The following SRGAP1 variants were observed in gnomAD, a reference collection of about 807,000 sequenced individuals.
SRGAP1 encodes the protein SLIT-ROBO Rho GTPase-activating protein 1.
Under a neutral mutation model 121.9 loss-of-function variants are expected in SRGAP1, and 43 were observed. The ratio of observed to expected loss-of-function variants is 0.35; its 90% CI spans 0.28 to 0.46. The LOEUF (loss-of-function observed/expected upper bound fraction) is 0.46, where lower values mean the gene tolerates loss of function less well. SRGAP1 is among the 20% of genes least tolerant of loss of function. The pLI is 1.00. For synonymous variants in SRGAP1, 447 were observed against 485.4 expected, an observed-to-expected ratio of 0.92 and a Z score of 1.04; for missense variants, 1,102 against 1,350.9, an observed-to-expected ratio of 0.82 and a Z score of 2.89.
chr12:64,038,800 T>C (rs2034951472), intron 4 of SRGAP1: 2 of 152,332 alleles, frequency 1.3e-5, no homozygotes, highest in South Asian at 4.1e-4. Context: ...TGGAGAATTA[T>C]GCATGAAGTT....
At chr12:63,992,107 A>G (rs2136420721) in intron 3 of SRGAP1, among the ~76,000 whole-genome samples, 1 of 152,314 alleles carries the variant, frequency 6.6e-6, no homozygotes, top group Non-Finnish European at 1.5e-5. Context: ...GGGAAAGGAA[A>G]GAGTTTGATA....
In SRGAP1 at chr12:64,155,544, A is replaced by AAAAT. The variant is rs555204219; in HGVS notation, c.*12890_*12893dup. ...GGGTGATAGAGTGGGACTCCGTCTC[A>AAAAT]AAATAAATAAATAAATAAATATATT... On this transcript the variant is annotated 3_prime_UTR_variant, in exon 22 of 22. Transcript: ENST00000355086. The AAAAT allele has an allele frequency of 6.6e-5, 10 of 151,726 alleles. No individual in the cohort carries two copies. Among genetic ancestry groups the AAAAT allele is most frequent in the South Asian group, 2.1e-4 (1 of 4,802 alleles). The allele number at this position is 151,726 out of a possible 1,614,324, so 9.4% of individuals were successfully genotyped here.
At position 64,154,768 on chromosome 12, in the gene SRGAP1, A is replaced by G. The variant is rs1202116329; in HGVS notation, c.*12096A>G. 1.3e-5 allele frequency: 2 copies of G among 152,144 alleles called. No homozygotes were observed. The highest frequency in any genetic ancestry group is 2.9e-5 in the Non-Finnish European group (2 of 68,090). The allele number at this position is 152,144 out of a possible 1,614,324, so 9.4% of individuals were successfully genotyped here. A position where few individuals can be genotyped will look rare whatever the true frequency, so the allele number is the denominator to read the frequency against. ...TCTGGCCAGAAGGTGTAAATTTGAT[A>G]TTTAAAGCTATGGGACTCCCGGAAA... is the stretch of plus-strand genomic sequence containing the variant. On this transcript the variant is annotated 3_prime_UTR_variant, in exon 22 of 22. Transcript: ENST00000355086.
At chr12:63,968,827 C>T (rs767022549) in intron 1 of SRGAP1, among the ~76,000 whole-genome samples, 22 of 152,192 alleles carry the variant, frequency 1.4e-4, no homozygotes, top group Non-Finnish European at 2.6e-4. Flanking sequence ...CTGAAGTGCC[C>T]TGCAGACTGC....
At chr12:64,047,800 A>G (rs1172709654) in intron 6 of SRGAP1, among the ~76,000 whole-genome samples, 2 of 152,176 alleles carry the variant, frequency 1.3e-5, no homozygotes, top group Non-Finnish European at 1.5e-5. Flanking sequence ...AAAAACCAGA[A>G]AATACTATAA....
At chr12:63,981,736 CCAAG>C (rs1331479067) in intron 1 of SRGAP1, among the ~76,000 whole-genome samples, 1 of 152,158 alleles carries the variant, frequency 6.6e-6, no homozygotes, top group African/African-American at 2.4e-5. Flanking sequence ...GGTGGAGAGA[CCAAG>C]CAAGGACACT....
In SRGAP1 at chr12:64,147,701, T is replaced by C. The variant is rs1045137; in HGVS notation, c.*5029T>C. 2.2e-3 allele frequency: 871 copies of C among 398,640 alleles called. 10 individuals carry two copies. The highest frequency in any genetic ancestry group is 0.017 in the African/African-American group (815 of 48,736). 24.7% of individuals were successfully genotyped at this position (398,640 alleles called of 1,614,324 possible). On this transcript the variant is annotated 3_prime_UTR_variant, in exon 22 of 22. Coordinates refer to ENST00000355086, the MANE Select transcript of SRGAP1 (RefSeq NM_020762.4). ...ACAGTCTGGAAAGAAAAAAAATGTT[T>C]TGTTAATCTGTTGTGACAATGCACT...
intron 1 of SRGAP1, among the ~76,000 whole-genome samples, chr12:63,923,519 A>G (rs569772440): frequency 2.6e-5 from 4 of 152,226 alleles, no homozygotes; most frequent in Non-Finnish European, 5.9e-5. Flanking sequence ...TAGCTACATC[A>G]GTACATAATT....
intron 8 of SRGAP1, among the ~76,000 whole-genome samples, chr12:64,075,228 T>A (rs2035713986): frequency 6.6e-6 from 1 of 152,222 alleles, no homozygotes; most frequent in Non-Finnish European, 1.5e-5. Flanking sequence ...GTATCCCTTA[T>A]GGGAAACGAA....
rs2136531533 is a variant in SRGAP1, at chr12:64,059,420, TG to T, written c.802-3492del. Among the ~76,000 whole-genome samples the T allele has an allele frequency of 2.0e-5, 3 of 152,240 alleles. No homozygotes were observed. The East Asian group carries it at 5.8e-4, about 29-fold the overall frequency. ...TCTCTTTTAAGTTGTTTAAGAGATTTGGGGGTTTTTGTGGGAGGTGGAGGCT... is the reference window on the plus strand; with the variant it reads ...TCTCTTTTAAGTTGTTTAAGAGATTTGGGGTTTTTGTGGGAGGTGGAGGCT... On this transcript the variant is annotated intron_variant, in intron 6 of 21. Coordinates refer to ENST00000355086, the MANE Select transcript of SRGAP1 (RefSeq NM_020762.4).
intron 1 of SRGAP1, among the ~76,000 whole-genome samples, chr12:63,876,776 A>G (rs1862834130): frequency 6.6e-6 from 1 of 152,224 alleles, no homozygotes; most frequent in African/African-American, 2.4e-5. Context: ...TTTTAGGATC[A>G]TGTAGTATTT....
intron 1 of SRGAP1, among the ~76,000 whole-genome samples, chr12:63,848,385 G>A (rs1898972855): frequency 6.6e-6 from 1 of 150,492 alleles, no homozygotes; most frequent in Admixed American, 6.6e-5. Flanking sequence ...ATTCTTAACT[G>A]TGAAAAGAAC....
chr12:63,894,675 T>G (rs1234310973), intron 1 of SRGAP1, among the ~76,000 whole-genome samples: 1 of 152,112 alleles, frequency 6.6e-6, no homozygotes, highest in Non-Finnish European at 1.5e-5. Context: ...CTTGTGTCCA[T>G]GTGTTCTCAT....
intron 15 of SRGAP1, among the ~76,000 whole-genome samples, chr12:64,105,509 G>A (rs1356571923): frequency 6.6e-6 from 1 of 152,116 alleles, no homozygotes; most frequent in African/African-American, 2.4e-5. Context: ...TGAGGCCGGG[G>A]ATGGTGGCTC....
In SRGAP1 at chr12:64,071,397, G is replaced by A. The variant is rs191559855; in HGVS notation, c.1125+6178G>A. Among the ~76,000 whole-genome samples the A allele has an allele frequency of 1.4e-3, 220 of 152,274 alleles. 5 individuals are homozygous for A. Among genetic ancestry groups the A allele is most frequent in the Non-Finnish European group, 2.6e-4 (18 of 68,012 alleles). Reference sequence around the variant, plus strand: ...CATGATTTGAAAGGATAACTTCAGCGTCCACTGTTCATTCAGTGAACTTTT... The same window carrying A: ...CATGATTTGAAAGGATAACTTCAGCATCCACTGTTCATTCAGTGAACTTTT... On this transcript the variant is annotated intron_variant, in intron 8 of 21. Coordinates refer to ENST00000355086, the MANE Select transcript of SRGAP1 (RefSeq NM_020762.4).
chr12:63,874,362 C>G (rs1344475322), intron 1 of SRGAP1, among the ~76,000 whole-genome samples: 1 of 152,004 alleles, frequency 6.6e-6, no homozygotes, highest in East Asian at 1.9e-4. Flanking sequence ...TGCCACCATG[C>G]CTGGCTAACT....
intron 15 of SRGAP1, 121 bp downstream of exon 15, chr12:64,097,496 C>A (rs769509626): frequency 5.6e-5 from 60 of 1,078,274 alleles, no homozygotes; most frequent in Admixed American, 1.3e-4. Flanking sequence ...CACCATATTT[C>A]TGGGACCATT....
In SRGAP1 at chr12:64,153,451, C is replaced by A. The variant is rs188113415; in HGVS notation, c.*10779C>A. ...TTGTGCCACTGCACTACAGCCTGGG[C>A]GGCACAGTGAGACTCCATCTCAAAA... On this transcript the variant is annotated 3_prime_UTR_variant, in exon 22 of 22. Coordinates refer to ENST00000355086, the MANE Select transcript of SRGAP1 (RefSeq NM_020762.4). The A allele has an allele frequency of 1.4e-5, 2 of 142,824 alleles. No individual in the cohort carries two copies. The highest frequency in any genetic ancestry group is 7.2e-5 in the Admixed American group (1 of 13,950). 8.8% of individuals were successfully genotyped at this position (142,824 alleles called of 1,614,324 possible). A position where few individuals can be genotyped will look rare whatever the true frequency, so the allele number is the denominator to read the frequency against.
At chr12:63,925,632 T>A (rs2031230483) in intron 1 of SRGAP1, among the ~76,000 whole-genome samples, 1 of 152,140 alleles carries the variant, frequency 6.6e-6, no homozygotes, top group Admixed American at 6.5e-5. Context: ...TGTTAATATC[T>A]AAAGTAGAAA....
Sources: allele counts gnomAD v4.1 joint callset (sites outside exome capture counted in the v4.1 genomes callset), GRCh38; gene constraint gnomAD v4.1.1; transcripts MANE v1.5; gene names NCBI Gene and HGNC (gene_info 2026-07-23, HGNC 2026-07-21).